Variants in SCIN observed in about 807,000 individuals in gnomAD.
SCIN encodes the protein scinderin.
A neutral mutation model predicts 91.8 loss-of-function variants in SCIN; 91 were observed. The ratio of observed to expected loss-of-function variants is 0.99; its 90% CI spans 0.84 to 1.18. The LOEUF (loss-of-function observed/expected upper bound fraction) is 1.18. SCIN is among the 50% of genes most tolerant of loss of function. The pLI, the probability that SCIN is intolerant of heterozygous loss-of-function variation, is 0.00. For missense variants in SCIN, 1,087 were observed against 863.9 expected (o/e 1.26, Z -3.24); for synonymous variants, 367 against 312.6 (o/e 1.17, Z -1.84).
intron 3 of SCIN, among the ~76,000 whole-genome samples, chr7:12,598,762 C>T (rs764662791): frequency 2.0e-5 from 3 of 152,018 alleles, no homozygotes; most frequent in Non-Finnish European, 2.9e-5. Context: ...AAAAAAAGTT[C>T]GCTAGGCGTG....
Position 12,598,968 on chromosome 7 carries a change from G to A in SCIN, c.517-5546G>A, listed in dbSNP as rs534810538. ...GTTTTAATTAATAATGACTTGTCAA[G>A]CATTCTGACTTTTAGCCATTTACAA... On this transcript the variant is annotated intron_variant, in intron 3 of 15. Transcript: ENST00000297029. Among the ~76,000 whole-genome samples, 13 of 152,158 alleles carry A rather than the reference G, an allele frequency of 8.5e-5. No homozygotes were observed. In the South Asian group the frequency reaches 2.7e-3, roughly 32 times the overall value.
rs1366215000 is a variant in SCIN, at chr7:12,626,691, G to A, written c.1089G>A (p.Glu363=). The A allele has an allele frequency of 1.9e-6, 3 of 1,588,344 alleles. No individual in the cohort carries two copies. Among genetic ancestry groups the A allele is most frequent in the Middle Eastern group, 1.7e-4 (1 of 6,022 alleles). ...GCTTCGGGAAAGTTTATGTCACAGAGAAAGTGGCTCAAATAAAACAAATTC... is the reference window on the plus strand; with the variant it reads ...GCTTCGGGAAAGTTTATGTCACAGAAAAAGTGGCTCAAATAAAACAAATTC... ...SDGFGKVYVT[E]KVAQIKQIPF... is the part of the protein sequence containing the mutation. The change falls in exon 8 of 16, where the codon GAG becomes GAA. Residue 363 remains glutamate, a synonymous_variant. Coordinates refer to ENST00000297029, the MANE Select transcript of SCIN (RefSeq NM_001112706.3).
intron 8 of SCIN, among the ~76,000 whole-genome samples, chr7:12,627,947 C>G (rs910640630): frequency 4.6e-5 from 7 of 152,126 alleles, no homozygotes; most frequent in Non-Finnish European, 1.0e-4. Context: ...AGAAGCACTG[C>G]ACTGTTCCTG....
intron 4 of SCIN, among the ~76,000 whole-genome samples, chr7:12,608,122 G>A (rs918213158): frequency 2.0e-5 from 3 of 152,068 alleles, no homozygotes; most frequent in Non-Finnish European, 4.4e-5. Flanking sequence ...TATTTAATGA[G>A]TTAATGAAAA....
At position 12,653,390 on chromosome 7, in the gene SCIN, A is replaced by G. The variant is rs1583328302; in HGVS notation, c.*675A>G. ...TTGTTTTTTAACATGCCAGAGAAAA[A>G]GTTGTAATGCCTTGGAAGTTATTCT... On this transcript the variant is annotated 3_prime_UTR_variant, in exon 16 of 16. Coordinates refer to ENST00000297029, the MANE Select transcript of SCIN (RefSeq NM_001112706.3). This position sits in a 1 kb window ranked among gnomAD's most constrained non-coding sequence, Gnocchi z 4.1. 4 of 152,280 alleles carry G rather than the reference A, an allele frequency of 2.6e-5. No homozygotes were observed. The highest frequency in any genetic ancestry group is 2.1e-4 in the South Asian group (1 of 4,820). The allele number at this position is 152,280 out of a possible 1,614,324, so 9.4% of individuals were successfully genotyped here. A position where few individuals can be genotyped will look rare whatever the true frequency, so the allele number is the denominator to read the frequency against.
Position 12,651,513 on chromosome 7 carries a change from G to A in SCIN, c.1960-328G>A, listed in dbSNP as rs1457264848. On this transcript the variant is annotated intron_variant, in intron 14 of 15. Coordinates refer to ENST00000297029, the MANE Select transcript of SCIN (RefSeq NM_001112706.3). The surrounding 1 kb of genome is among the most constrained non-coding windows in gnomAD (Gnocchi z 5.9). ...CCTTCGACTGCTGTCACACCCTAGG[G>A]GGTGGATGAAAAAAAAAAGTCCACC... 1.3e-5 allele frequency among the ~76,000 whole-genome samples: 2 copies of A among 151,256 alleles called. No homozygotes were observed. Among genetic ancestry groups the A allele is most frequent in the African/African-American group, 4.9e-5 (2 of 41,006 alleles).
intron 8 of SCIN, 51 bp from the exon 9 acceptor site, chr7:12,629,050 T>G: frequency 1.4e-6 from 2 of 1,471,852 alleles, no homozygotes; most frequent in Non-Finnish European, 1.8e-6. Context: ...ATGAGAAATA[T>G]TATTAGATCA....
At chr7:12,588,221 C>T (rs1028529899) in intron 3 of SCIN, among the ~76,000 whole-genome samples, 1 of 151,824 alleles carries the variant, frequency 6.6e-6, no homozygotes. Flanking sequence ...TAAAATGTAC[C>T]CTGAAGTAAA....
rs555055690 is a variant in SCIN, at chr7:12,594,622, G to A, written c.517-9892G>A. ...AACGGAGGCCGAGAGCCTTGCGATT[G>A]CGGAGGAGACACCCAAGGGGGGTGG... On this transcript the variant is annotated intron_variant, in intron 3 of 15. Transcript: ENST00000297029. Among the ~76,000 whole-genome samples the A allele has an allele frequency of 2.0e-5, 3 of 152,268 alleles. No homozygotes were observed. The East Asian group carries it at 5.8e-4, about 30-fold the overall frequency.
At chr7:12,637,164 T>G (rs555203458) in intron 10 of SCIN, among the ~76,000 whole-genome samples, 2 of 152,318 alleles carry the variant, frequency 1.3e-5, no homozygotes, top group African/African-American at 4.8e-5. Context: ...TGTGTTGTTT[T>G]AAGCCACTAA....
intron 3 of SCIN, among the ~76,000 whole-genome samples, chr7:12,590,511 T>C (rs1001781111): frequency 6.6e-5 from 10 of 151,964 alleles, no homozygotes; most frequent in African/African-American, 2.2e-4. Context: ...CAGAATTTCT[T>C]TGGTCTGCTC....
intron 3 of SCIN, among the ~76,000 whole-genome samples, chr7:12,589,795 G>A (rs1782679704): frequency 6.6e-6 from 1 of 152,120 alleles, no homozygotes; most frequent in Non-Finnish European, 1.5e-5. Context: ...GGAGACTGTT[G>A]GGAGGTATTC....
At chr7:12,639,426 T>C (rs892529921) in intron 10 of SCIN, among the ~76,000 whole-genome samples, 3 of 152,218 alleles carry the variant, frequency 2.0e-5, no homozygotes, top group African/African-American at 7.2e-5. Context: ...AATGAGTACA[T>C]GCATCAGCAT....
In SCIN at chr7:12,632,083, C is replaced by CATTTTATTTTATTTTATTTT. The variant is rs55811230; in HGVS notation, c.1319+2908_1319+2927dup. Reference sequence around the variant, plus strand: ...TATGGGGTGTTATATGATTGGTTTTCATTTTATTTTATTTTATTTTATTTT... The same window carrying CATTTTATTTTATTTTATTTT: ...TATGGGGTGTTATATGATTGGTTTTCATTTTATTTTATTTTATTTTATTTTATTTTATTTTATTTTATTTT... On this transcript the variant is annotated intron_variant, in intron 9 of 15. Coordinates refer to ENST00000297029, the MANE Select transcript of SCIN (RefSeq NM_001112706.3). Among the ~76,000 whole-genome samples the CATTTTATTTTATTTTATTTT allele has an allele frequency of 9.2e-3, 1,113 of 120,746 alleles. 25 individuals carry two copies. The highest frequency in any genetic ancestry group is 0.019 in the Admixed American group (222 of 11,486). The allele number at this position is 120,746 out of a possible 152,430, so 79.2% of individuals were successfully genotyped here.
At position 12,652,668 on chromosome 7, in the gene SCIN, C is replaced by T. The variant is rs1472071318; in HGVS notation, c.2101C>T (p.Pro701Ser). 16 of 1,607,608 alleles carry T rather than the reference C, an allele frequency of 1.0e-5. No individual in the cohort carries two copies. Among genetic ancestry groups the T allele is most frequent in the Non-Finnish European group, 1.4e-5 (16 of 1,178,048 alleles). The change falls in exon 16 of 16, where the codon CCC (proline) becomes TCC (serine). Residue 701 changes from proline (P) to serine (S), a missense_variant. Physicochemically the swap from Pro to Ser is moderately conservative, Grantham distance 74. Coordinates refer to ENST00000297029, the MANE Select transcript of SCIN (RefSeq NM_001112706.3). Reference sequence around the variant, plus strand: ...CATCATAAAACAGGGCCATGAGCCACCCACATTCACAGGCTGGTTCCTGGG... The same window carrying T: ...CATCATAAAACAGGGCCATGAGCCATCCACATTCACAGGCTGGTTCCTGGG... Reference protein sequence around the residue: ...IVIIKQGHEPPTFTGWFLGWD... With the variant: ...IVIIKQGHEPSTFTGWFLGWD...
At position 12,652,800 on chromosome 7, in the gene SCIN, T is replaced by C; in HGVS notation, c.*85T>C. 1 of 1,531,918 alleles carries C rather than the reference T, an allele frequency of 6.5e-7. No individual in the cohort carries two copies. The highest frequency in any genetic ancestry group is 8.8e-7 in the Non-Finnish European group (1 of 1,141,480). The allele number at this position is 1,531,918 out of a possible 1,614,324, so 94.9% of individuals were successfully genotyped here. On this transcript the variant is annotated 3_prime_UTR_variant, in exon 16 of 16. Transcript: ENST00000297029. The stretch of plus-strand genomic sequence containing the variant: ...GAGAGGAACGGGAAAAGCTTTTTGC[T>C]TATTTGTCTTTTGAAAATTAAGGCT...
At chr7:12,650,167 G>A (rs548754503) in intron 14 of SCIN, among the ~76,000 whole-genome samples, 9 of 152,220 alleles carry the variant, frequency 5.9e-5, no homozygotes, top group East Asian at 3.9e-4. Flanking sequence ...AGGCCTAGTC[G>A]TAGAGTCAAG....
At chr7:12,623,851 T>C (rs994787595) in intron 5 of SCIN, among the ~76,000 whole-genome samples, 6 of 152,186 alleles carry the variant, frequency 3.9e-5, no homozygotes, top group African/African-American at 1.4e-4. Flanking sequence ...AAAGGAAATA[T>C]GGTTACCATT....
Position 12,626,630 on chromosome 7 carries a change from T to G in SCIN, c.1028T>G (p.Phe343Cys). ...EGGETPIFKQ[F>C]FKDWRDKDQS... ...GGTGAAACACCAATCTTCAAACAGT[T>G]TTTTAAGGACTGGAGAGATAAAGAT... Residue 343 changes from phenylalanine (F) to cysteine (C), a missense_variant, in exon 8 of 16, where the codon TTT becomes TGT. Phe to Cys is a radical substitution (Grantham distance 205). Transcript: ENST00000297029. 2 of 1,552,664 alleles carry G rather than the reference T, an allele frequency of 1.3e-6. No homozygotes were observed. Among genetic ancestry groups the G allele is most frequent in the Non-Finnish European group, 1.7e-6 (2 of 1,147,480 alleles).
Sources: allele counts gnomAD v4.1 joint callset (sites outside exome capture counted in the v4.1 genomes callset), GRCh38; gene constraint gnomAD v4.1.1; non-coding constraint Gnocchi (gnomAD v3.1); transcripts MANE v1.5; gene names NCBI Gene and HGNC (gene_info 2026-07-23, HGNC 2026-07-21).